Variants in RAPGEF4 observed in about 807,000 individuals in gnomAD.
The protein encoded by RAPGEF4 is Rap guanine nucleotide exchange factor 4, also known as RAP guanine-nucleotide-exchange factor (GEF) 4.
Under a neutral mutation model 147.9 loss-of-function variants are expected in RAPGEF4, and 66 were observed. That is an observed-to-expected ratio of 0.45 (90% CI 0.37 to 0.55). The LOEUF (loss-of-function observed/expected upper bound fraction) is 0.55, where lower values mean the gene tolerates loss of function less well. RAPGEF4 is among the 20% of genes least tolerant of loss of function. The pLI is 0.00. For synonymous variants in RAPGEF4, 419 were observed against 442.7 expected, an observed-to-expected ratio of 0.95 and a Z score of 0.67; for missense variants, 1,071 against 1,257.3, an observed-to-expected ratio of 0.85 and a Z score of 2.24.
At chr2:172,742,183 C>T (rs533069053) in intron 1 of RAPGEF4, among the ~76,000 whole-genome samples, 4 of 152,292 alleles carry the variant, frequency 2.6e-5, no homozygotes, top group Admixed American at 6.5e-5. Flanking sequence ...AACAACTTGA[C>T]GTTAGTTCTC....
intron 4 of RAPGEF4, among the ~76,000 whole-genome samples, chr2:172,831,459 G>A (rs1378572836): frequency 6.6e-6 from 1 of 151,404 alleles, no homozygotes; most frequent in Non-Finnish European, 1.5e-5. Flanking sequence ...AGTAGAGATG[G>A]AGTTTCACCA....
intron 4 of RAPGEF4, chr2:172,821,984 T>A: frequency 6.2e-7 from 1 of 1,613,332 alleles, no homozygotes. Context: ...AAGGTCAGAA[T>A]GAATCTTTTT....
At chr2:172,823,946 C>T (rs1689384669) in intron 4 of RAPGEF4, among the ~76,000 whole-genome samples, 1 of 152,200 alleles carries the variant, frequency 6.6e-6, no homozygotes, top group South Asian at 2.1e-4. Flanking sequence ...GATACCTTTA[C>T]TTAAATCCTG....
chr2:173,005,520 GTTTT>G (rs573596077), intron 17 of RAPGEF4, among the ~76,000 whole-genome samples: 1 of 86,736 alleles, frequency 1.2e-5, no homozygotes, highest in Non-Finnish European at 2.1e-5. Flanking sequence ...GTTGTTTTGT[GTTTT>G]TTTTTTTTTT....
chr2:172,930,721 C>T (rs981288291), intron 6 of RAPGEF4, among the ~76,000 whole-genome samples: 2 of 152,136 alleles, frequency 1.3e-5, no homozygotes, highest in Non-Finnish European at 2.9e-5. Context: ...CATTAATAAG[C>T]ATGTTAAATT....
In RAPGEF4 at chr2:172,961,150, GA is replaced by G; in HGVS notation, c.625del (p.Ile209PhefsTer13). The G allele has an allele frequency of 6.2e-7, 1 of 1,612,782 alleles. No homozygotes were observed. The highest frequency in any genetic ancestry group is 8.5e-7 in the Non-Finnish European group (1 of 1,178,838). On this transcript the variant is annotated frameshift_variant, in exon 8 of 31. Coordinates refer to ENST00000397081, the MANE Select transcript of RAPGEF4 (RefSeq NM_007023.4). LOFTEE classifies it high-confidence loss of function. ...KVPSEKILRA[G>X]KILRNAILSR... ...CCTTCAGAGAAGATCCTCAGAGCTG[GA>G]AAAATTTTACGAAATGCCATTCTCT...
chr2:172,768,517 A>G (rs1273168100), intron 1 of RAPGEF4, among the ~76,000 whole-genome samples: 3 of 152,006 alleles, frequency 2.0e-5, no homozygotes, highest in Non-Finnish European at 2.9e-5. Flanking sequence ...AAAAAAAAAA[A>G]AAAGAAAGAA....
At chr2:172,838,847 T>C (rs1369695113) in intron 4 of RAPGEF4, among the ~76,000 whole-genome samples, 2 of 90,542 alleles carry the variant, frequency 2.2e-5, no homozygotes, top group African/African-American at 3.9e-5. Flanking sequence ...ATGAAACGCG[T>C]TAGAGAAAAC....
chr2:173,016,263 C>A, intron 18 of RAPGEF4, 86 bp from the exon 19 acceptor site: 1 of 892,036 alleles, frequency 1.1e-6, no homozygotes, highest in Non-Finnish European at 1.9e-6. Context: ...AAGCAGATGA[C>A]ATAGGGACAC....
chr2:172,793,218 G>A (rs1405192915), intron 1 of RAPGEF4, among the ~76,000 whole-genome samples: 6 of 152,060 alleles, frequency 3.9e-5, no homozygotes, highest in African/African-American at 1.4e-4. Context: ...TTTTAAGGGT[G>A]CTAGTTATTA....
chr2:172,947,356 T>G (rs570515754), intron 6 of RAPGEF4, among the ~76,000 whole-genome samples: 43 of 152,288 alleles, frequency 2.8e-4, no homozygotes, highest in Non-Finnish European at 4.9e-4. Context: ...TTTGAGGGTG[T>G]TGGTGGTGTT....
chr2:172,892,891 C>A (rs1193837785), intron 4 of RAPGEF4, among the ~76,000 whole-genome samples: 1 of 152,200 alleles, frequency 6.6e-6, no homozygotes, highest in Non-Finnish European at 1.5e-5. Context: ...ATATGGCAGA[C>A]TTCTGCATGC....
intron 17 of RAPGEF4, among the ~76,000 whole-genome samples, chr2:173,011,826 A>T (rs1695050936): frequency 6.6e-6 from 1 of 150,658 alleles, no homozygotes; most frequent in South Asian, 2.1e-4. Flanking sequence ...TTTATTTCTT[A>T]AAAACCACAT....
chr2:172,887,772 T>G (rs1697414345), intron 4 of RAPGEF4, among the ~76,000 whole-genome samples: 1 of 152,102 alleles, frequency 6.6e-6, no homozygotes, highest in South Asian at 2.1e-4. Flanking sequence ...CATCTGAGCC[T>G]TCGCACATAC....
chr2:172,793,319 G>T (rs1039929063), intron 1 of RAPGEF4, among the ~76,000 whole-genome samples: 5 of 152,146 alleles, frequency 3.3e-5, no homozygotes, highest in African/African-American at 7.2e-5. Context: ...ATGCACAGGT[G>T]CTGAGTATCA....
intron 4 of RAPGEF4, among the ~76,000 whole-genome samples, chr2:172,885,646 C>T (rs1697123825): frequency 6.6e-6 from 1 of 152,164 alleles, no homozygotes; most frequent in African/African-American, 2.4e-5. Context: ...AAACTATCAG[C>T]TCTCATGAGA....
intron 1 of RAPGEF4, among the ~76,000 whole-genome samples, chr2:172,783,698 A>G (rs1559039103): frequency 6.6e-6 from 1 of 151,840 alleles, no homozygotes; most frequent in Non-Finnish European, 1.5e-5. Flanking sequence ...GTGTGTATGT[A>G]TGTATCTCTG....
intron 6 of RAPGEF4, among the ~76,000 whole-genome samples, chr2:172,960,354 T>C (rs745729084): frequency 6.6e-6 from 1 of 152,212 alleles, no homozygotes; most frequent in Non-Finnish European, 1.5e-5. Flanking sequence ...AAATAGCTCA[T>C]TTCCATCCCA....
chr2:172,781,652 C>G (rs1183813077), intron 1 of RAPGEF4, among the ~76,000 whole-genome samples: 1 of 152,094 alleles, frequency 6.6e-6, no homozygotes, highest in East Asian at 1.9e-4. Context: ...AGGATTTGTT[C>G]CAGGACCCCG....
Sources: gnomAD v4.1 joint callset for allele counts (sites outside exome capture counted in the v4.1 genomes callset) on GRCh38, gnomAD v4.1.1 for gene constraint, MANE v1.5 for transcripts, NCBI Gene and HGNC (gene_info 2026-07-23, HGNC 2026-07-21) for gene names.